PSEN1: variants seen among roughly 807,000 people sequenced by gnomAD.
The protein encoded by PSEN1 is presenilin 1.
In PSEN1, 15 loss-of-function variants were observed where a neutral mutation model predicts 53.5. The ratio of observed to expected loss-of-function variants is 0.28; its 90% CI spans 0.19 to 0.43. The LOEUF (loss-of-function observed/expected upper bound fraction) is 0.43, where lower values mean the gene tolerates loss of function less well. Among genes scored for constraint, PSEN1 ranks in the 20% least tolerant of loss-of-function variants. PSEN1 has a pLI of 1.00. For missense variants in PSEN1, 387 were observed against 571.2 expected, an observed-to-expected ratio of 0.68 and a Z score of 3.29; for synonymous variants, 208 against 209.8, an observed-to-expected ratio of 0.99 and a Z score of 0.08.
At chr14:73,215,671 A>C (rs930081910) in intron 10 of PSEN1, among the ~76,000 whole-genome samples, 1 of 152,218 alleles carries the variant, frequency 6.6e-6, no homozygotes, top group Non-Finnish European at 1.5e-5. Flanking sequence ...CGATAGCCCA[A>C]ATTTAAGATA....
chr14:73,197,764 G>A (rs1899013572), intron 7 of PSEN1: 2 of 452,930 alleles, frequency 4.4e-6, no homozygotes, highest in Non-Finnish European at 8.1e-6. Flanking sequence ...CTATACCCCA[G>A]TAACGATACA....
intron 6 of PSEN1, among the ~76,000 whole-genome samples, chr14:73,188,631 A>G (rs1162991447): frequency 6.6e-6 from 1 of 152,212 alleles, no homozygotes; most frequent in Non-Finnish European, 1.5e-5. Flanking sequence ...TGGGTGACTC[A>G]GTCTCTAAAA....
At chr14:73,175,230 G>T (rs1466373415) in intron 5 of PSEN1, among the ~76,000 whole-genome samples, 2 of 152,124 alleles carry the variant, frequency 1.3e-5, no homozygotes, top group Non-Finnish European at 2.9e-5. Flanking sequence ...GGGTTCAAGC[G>T]ATTCTTCTGC....
rs1443174980 is a variant in PSEN1, at chr14:73,141,965, G to A, written c.-136+5382G>A. Among the ~76,000 whole-genome samples, 5 of 152,102 alleles carry A rather than the reference G, an allele frequency of 3.3e-5. No homozygotes were observed. The South Asian group carries it at 6.2e-4, about 19-fold the overall frequency. On this transcript the variant is annotated intron_variant, in intron 1 of 11. Coordinates refer to ENST00000324501, the MANE Select transcript of PSEN1 (RefSeq NM_000021.4). ...ACCTGTAGTCCCAGCTACTTGGGAG[G>A]CTGAGGCAGGAGAATGGCCTGAACC...
intron 10 of PSEN1, among the ~76,000 whole-genome samples, chr14:73,215,475 C>T (rs554974712): frequency 2.6e-5 from 4 of 151,204 alleles, no homozygotes; most frequent in East Asian, 2.0e-4. Flanking sequence ...CCCAGCTATT[C>T]GAGAGGCTGC....
chr14:73,197,988 C>A (rs1899022804), intron 7 of PSEN1, 43 bp from the exon 8 acceptor site: 2 of 1,083,730 alleles, frequency 1.8e-6, no homozygotes, highest in African/African-American at 3.1e-5. Context: ...CAAGTTTAGC[C>A]CATACATTTT....
chr14:73,165,620 T>TG, intron 3 of PSEN1, among the ~76,000 whole-genome samples: 1 of 151,334 alleles, frequency 6.6e-6, no homozygotes, highest in Non-Finnish European at 1.5e-5. Context: ...TGGTGGCGCA[T>TG]GCCTGTAATC....
chr14:73,186,553 G>T (rs556299654), intron 5 of PSEN1, among the ~76,000 whole-genome samples: 47 of 152,272 alleles, frequency 3.1e-4, no homozygotes, highest in African/African-American at 1.1e-3. Flanking sequence ...GAGGCGGGCG[G>T]ATCACTTGAG....
chr14:73,211,744 C>T (rs1055646365), intron 9 of PSEN1, 25 bp from the exon 10 acceptor site: 5 of 1,613,098 alleles, frequency 3.1e-6, no homozygotes, highest in Non-Finnish European at 4.2e-6. Context: ...AATATTAGAG[C>T]TGTAACTTCC....
intron 7 of PSEN1, 140 bp from the exon 8 acceptor site, chr14:73,197,891 C>A: frequency 3.5e-5 from 19 of 542,550 alleles, no homozygotes; most frequent in Non-Finnish European, 4.7e-5. Flanking sequence ...CCATTTATTT[C>A]ATATTCATTC....
chr14:73,164,309 A>C (rs1330026734), intron 3 of PSEN1, among the ~76,000 whole-genome samples: 1 of 152,220 alleles, frequency 6.6e-6, no homozygotes, highest in Admixed American at 6.5e-5. Flanking sequence ...AGAATTTTCT[A>C]ATTCCATAGT....
chr14:73,153,662 A>T (rs1397327694), intron 3 of PSEN1, among the ~76,000 whole-genome samples: 25 of 138,644 alleles, frequency 1.8e-4, no homozygotes, highest in South Asian at 2.2e-4. Context: ...CCATTAAGTC[A>T]TTTTTTTTTT....
chr14:73,174,377 G>T (rs1009667282), intron 5 of PSEN1, among the ~76,000 whole-genome samples: 1 of 152,126 alleles, frequency 6.6e-6, no homozygotes, highest in Non-Finnish European at 1.5e-5. Context: ...GGGATTACAG[G>T]TGTGTGCCAC....
chr14:73,189,309 A>G (rs1286245584), intron 6 of PSEN1, among the ~76,000 whole-genome samples: 1 of 152,228 alleles, frequency 6.6e-6, no homozygotes, highest in Non-Finnish European at 1.5e-5. Flanking sequence ...ATTGATTACA[A>G]AATTAAACAA....
chr14:73,202,194 G>A (rs1335212149), intron 8 of PSEN1, among the ~76,000 whole-genome samples: 5 of 140,916 alleles, frequency 3.5e-5, no homozygotes, highest in Non-Finnish European at 6.1e-5. Context: ...ACAAGCATGC[G>A]CCACTATACC....
chr14:73,193,417 C>T (rs1260020242), intron 7 of PSEN1, among the ~76,000 whole-genome samples: 1 of 151,368 alleles, frequency 6.6e-6, no homozygotes, highest in African/African-American at 2.4e-5. Context: ...TGGTGGCGTA[C>T]CCTTGTATTC....
intron 5 of PSEN1, among the ~76,000 whole-genome samples, chr14:73,184,136 G>A (rs1273336588): frequency 8.9e-6 from 1 of 112,890 alleles, no homozygotes; most frequent in East Asian, 2.6e-4. Context: ...CGGACAGGGC[G>A]GCTGGCCGGC....
intron 3 of PSEN1, among the ~76,000 whole-genome samples, chr14:73,149,338 T>C (rs1358894093): frequency 6.6e-6 from 1 of 151,932 alleles, no homozygotes; most frequent in East Asian, 1.9e-4. Flanking sequence ...TTTTTTTAAT[T>C]TTCCCACAGT....
intron 10 of PSEN1, among the ~76,000 whole-genome samples, chr14:73,214,431 G>C (rs1899826763): frequency 6.6e-6 from 1 of 151,782 alleles, no homozygotes; most frequent in African/African-American, 2.4e-5. Flanking sequence ...TCAGGAGGCT[G>C]AGGCAGGAGA....
Sources: gnomAD v4.1 joint callset for allele counts (sites outside exome capture counted in the v4.1 genomes callset) on GRCh38, gnomAD v4.1.1 for gene constraint, MANE v1.5 for transcripts, NCBI Gene and HGNC (gene_info 2026-07-23, HGNC 2026-07-21) for gene names.